CPSF3: variants seen among roughly 807,000 people sequenced by gnomAD.
The protein encoded by CPSF3 is cleavage and polyadenylation specific factor 3.
A neutral mutation model predicts 84.1 loss-of-function variants in CPSF3; 57 were observed. That is an observed-to-expected ratio of 0.68 (90% CI 0.55 to 0.85). CPSF3 has a LOEUF of 0.85. CPSF3 is among the 40% of genes least tolerant of loss of function. The pLI, the probability that CPSF3 is intolerant of heterozygous loss-of-function variation, is 0.00. For missense variants in CPSF3, 522 were observed against 838.8 expected, an observed-to-expected ratio of 0.62 and a Z score of 4.66; for synonymous variants, 275 against 278.1, an observed-to-expected ratio of 0.99 and a Z score of 0.11.
At chr2:9,429,864 C>A in intron 2 of CPSF3, 59 bp from the exon 3 acceptor site, 1 of 1,167,480 alleles carries the variant, frequency 8.6e-7, no homozygotes, top group Non-Finnish European at 1.2e-6. Context: ...TGCCTATTTG[C>A]CGAATGAATT....
intron 11 of CPSF3, 95 bp from the exon 12 acceptor site, chr2:9,452,818 G>C: frequency 1.4e-6 from 1 of 723,014 alleles, no homozygotes. Context: ...ATAGTTCAAA[G>C]GTGTTATGGT....
intron 9 of CPSF3, among the ~76,000 whole-genome samples, chr2:9,442,782 G>T (rs769785492): frequency 1.3e-5 from 2 of 151,914 alleles, no homozygotes; most frequent in Non-Finnish European, 2.9e-5. Context: ...GAAACTGGAG[G>T]CGGAGGTTGC....
intron 15 of CPSF3, 108 bp from the exon 16 acceptor site, chr2:9,467,599 T>C (rs1682020008): frequency 4.3e-6 from 3 of 696,946 alleles, no homozygotes; most frequent in Non-Finnish European, 7.2e-6. Context: ...AAGGATTCCA[T>C]AGTTATTCAC....
At chr2:9,437,974 G>A (rs1680842675) in intron 7 of CPSF3, among the ~76,000 whole-genome samples, 2 of 152,168 alleles carry the variant, frequency 1.3e-5, no homozygotes, top group African/African-American at 4.8e-5. Context: ...TGCACTCCAG[G>A]GTGGGCGACA....
chr2:9,445,688 C>T (rs941108282), intron 10 of CPSF3, among the ~76,000 whole-genome samples: 3 of 152,110 alleles, frequency 2.0e-5, no homozygotes, highest in African/African-American at 7.2e-5. Context: ...GAGGAAAAGC[C>T]GAATTGCTCT....
intron 16 of CPSF3, among the ~76,000 whole-genome samples, chr2:9,469,499 G>A (rs1306301845): frequency 1.3e-5 from 2 of 152,132 alleles, no homozygotes; most frequent in Admixed American, 6.5e-5. Context: ...TGCTGCAGTC[G>A]GGGTGCAGAA....
chr2:9,463,083 AGATCTGCCCCCTCCAAG>A (rs1371124833), intron 15 of CPSF3, among the ~76,000 whole-genome samples: 1 of 152,262 alleles, frequency 6.6e-6, no homozygotes, highest in Non-Finnish European at 1.5e-5. Flanking sequence ...CAAAGCAAAC[AGATCTGCCCCCTCCAAG>A]GATCTGACAT....
intron 2 of CPSF3, 91 bp downstream of exon 2, chr2:9,428,919 C>T (rs1680484497): frequency 2.6e-6 from 2 of 765,248 alleles, no homozygotes; most frequent in Non-Finnish European, 4.5e-6. Context: ...CTTTTTAGCT[C>T]CCAGAAAAAT....
At chr2:9,460,844 T>C (rs6727314) in intron 15 of CPSF3, among the ~76,000 whole-genome samples, 10,507 of 152,158 alleles carry the variant, frequency 0.069, 1,246 homozygotes, top group African/African-American at 0.24. Context: ...GTCTCCGGCA[T>C]ATGGAGTAGT....
Position 9,443,727 on chromosome 2 carries a change from G to A in CPSF3, c.1242+66G>A. ...AAGTGCATACCCAGGAAACTGTGCA[G>A]CAGGCAGTTCACAAAGCAGGCATCA... On this transcript the variant is annotated intron_variant, in intron 10 of 17. Coordinates refer to ENST00000238112, the MANE Select transcript of CPSF3 (RefSeq NM_016207.4). The A allele has an allele frequency of 3.2e-6, 5 of 1,557,296 alleles. No individual in the cohort carries two copies. The South Asian group carries it at 5.9e-5, about 18-fold the overall frequency.
chr2:9,456,220 A>G (rs1343314398), intron 13 of CPSF3, among the ~76,000 whole-genome samples: 3 of 152,234 alleles, frequency 2.0e-5, no homozygotes, highest in Non-Finnish European at 4.4e-5. Flanking sequence ...TGAGAAAATA[A>G]ACCTAGTCTG....
chr2:9,423,860 C>A, intron 1 of CPSF3, 37 bp downstream of exon 1: 1 of 1,608,326 alleles, frequency 6.2e-7, no homozygotes, highest in Non-Finnish European at 8.5e-7. Context: ...AAGCCACGGG[C>A]TGTGAGGGGC....
At chr2:9,469,823 G>A (rs1463615782) in intron 16 of CPSF3, among the ~76,000 whole-genome samples, 1 of 152,200 alleles carries the variant, frequency 6.6e-6, no homozygotes, top group Non-Finnish European at 1.5e-5. Flanking sequence ...GATTAGATAG[G>A]AGTAGATGTA....
intron 15 of CPSF3, among the ~76,000 whole-genome samples, chr2:9,466,196 TCACACACACACG>T (rs1681906060): frequency 7.1e-6 from 1 of 141,558 alleles, no homozygotes; most frequent in Non-Finnish European, 1.6e-5. Context: ...ACACACGCGC[TCACACACACACG>T]CGCACACACG....
intron 11 of CPSF3, among the ~76,000 whole-genome samples, chr2:9,449,280 C>T (rs1162926437): frequency 1.3e-5 from 2 of 152,068 alleles, no homozygotes; most frequent in Non-Finnish European, 2.9e-5. Context: ...ATCCCAGCTA[C>T]TTGGGAGGTT....
At chr2:9,465,308 G>GC (rs1681862656) in intron 15 of CPSF3, among the ~76,000 whole-genome samples, 1 of 152,138 alleles carries the variant, frequency 6.6e-6, no homozygotes, top group Admixed American at 6.5e-5. Flanking sequence ...GCCAGGCACG[G>GC]TAGCACACAC....
At chr2:9,453,113 T>G (rs896426482) in intron 12 of CPSF3, 92 bp downstream of exon 12, 17 of 707,220 alleles carry the variant, frequency 2.4e-5, no homozygotes, top group Non-Finnish European at 3.3e-5. Flanking sequence ...CCTAATGTTA[T>G]GTAATAGACA....
Position 9,433,866 on chromosome 2 carries a change from C to T in CPSF3, c.520-5C>T, listed in dbSNP as rs1276111159. 1.3e-6 allele frequency: 2 copies of T among 1,594,730 alleles called. No individual in the cohort carries two copies. On this transcript the variant is annotated splice_region_variant and splice_polypyrimidine_tract_variant and intron_variant, in intron 5 of 17. Coordinates refer to ENST00000238112, the MANE Select transcript of CPSF3 (RefSeq NM_016207.4). ...CCTAACTTTCTAGTTTTATCTTTTT[C>T]ACAGCTTTTGTACACTGGTGATTTC...
At chr2:9,446,141 A>G (rs943200227) in intron 10 of CPSF3, among the ~76,000 whole-genome samples, 2 of 152,220 alleles carry the variant, frequency 1.3e-5, no homozygotes, top group Non-Finnish European at 2.9e-5. Context: ...GCCACAAGCC[A>G]TCTACCACAT....
Sources: gnomAD v4.1 joint callset for allele counts (sites outside exome capture counted in the v4.1 genomes callset) on GRCh38, gnomAD v4.1.1 for gene constraint, MANE v1.5 for transcripts, NCBI Gene and HGNC (gene_info 2026-07-23, HGNC 2026-07-21) for gene names.